Variants in CLEC16A observed in about 807,000 individuals in gnomAD.
CLEC16A encodes C-type lectin domain containing 16A.
CLEC16A carries 51 observed loss-of-function variants against 109.5 expected under a neutral mutation model. The ratio of observed to expected loss-of-function variants is 0.47; its 90% confidence interval spans 0.37 to 0.59. CLEC16A has a LOEUF of 0.59. CLEC16A is among the 20% of genes least tolerant of loss of function. The pLI is 0.00. For synonymous variants in CLEC16A, 673 were observed against 564.2 expected (o/e 1.19, Z -2.73); for missense variants, 1,339 against 1,394.0 (o/e 0.96, Z 0.63).
chr16:11,084,501 T>G (rs77537454), intron 19 of CLEC16A, among the ~76,000 whole-genome samples: 2 of 152,116 alleles, frequency 1.3e-5, no homozygotes, highest in Non-Finnish European at 2.9e-5. Context: ...AATGAGGACA[T>G]TGGCCTTGTT....
At chr16:10,955,647 G>A (rs572605296) in intron 1 of CLEC16A, among the ~76,000 whole-genome samples, 1 of 152,298 alleles carries the variant, frequency 6.6e-6, no homozygotes, top group African/African-American at 2.4e-5. Context: ...TCTTCTTCTT[G>A]TTGGGGATCT....
At chr16:11,119,959 G>GTGTTA (rs1250411532) in intron 19 of CLEC16A, among the ~76,000 whole-genome samples, 1 of 129,272 alleles carries the variant, frequency 7.7e-6, no homozygotes, top group Admixed American at 7.6e-5. Flanking sequence ...GTTTTGTTTT[G>GTGTTA]TGTTGTGTTG....
At chr16:11,123,264 A>C (rs1490455457) in intron 20 of CLEC16A, among the ~76,000 whole-genome samples, 2 of 152,228 alleles carry the variant, frequency 1.3e-5, no homozygotes, top group East Asian at 3.9e-4. Context: ...AAGACATACA[A>C]ATGGTTGCCA....
chr16:11,105,189 C>T (rs191126356), intron 19 of CLEC16A, among the ~76,000 whole-genome samples: 227 of 152,206 alleles, frequency 1.5e-3, no homozygotes, highest in African/African-American at 5.3e-3. Flanking sequence ...GTGTGGTCAC[C>T]GATGCATTGT....
intron 13 of CLEC16A, among the ~76,000 whole-genome samples, chr16:11,026,024 A>G (rs2046385993): frequency 6.6e-6 from 1 of 152,226 alleles, no homozygotes; most frequent in Non-Finnish European, 1.5e-5. Flanking sequence ...ATTTCAGCAC[A>G]TGGGTTCACA....
intron 22 of CLEC16A, among the ~76,000 whole-genome samples, chr16:11,137,297 C>T (rs79672130): frequency 0.043 from 6,516 of 151,792 alleles, 462 homozygotes; most frequent in African/African-American, 0.15. Flanking sequence ...GGCAGAAAAC[C>T]GAGAAACGAA....
Position 11,061,163 on chromosome 16 carries a change from C to T in CLEC16A, c.2116+141C>T, listed in dbSNP as rs184776720. On this transcript the variant is annotated intron_variant, in intron 19 of 23. Transcript: ENST00000409790. The stretch of plus-strand genomic sequence containing the variant: ...TTATTGAGCTGTGACCTTGAGCCAG[C>T]GGTGTGCATGTCCCATGCAGGTTTT... The T allele has an allele frequency of 3.2e-4, 313 of 983,806 alleles. 1 individual carries two copies. Among genetic ancestry groups the T allele is most frequent in the African/African-American group, 6.7e-5 (4 of 59,592 alleles). The allele number at this position is 983,806 out of a possible 1,614,324, so 60.9% of individuals were successfully genotyped here.
At chr16:11,123,548 C>G (rs1170319548) in intron 20 of CLEC16A, among the ~76,000 whole-genome samples, 194 bp from the exon 21 acceptor site, 1 of 152,214 alleles carries the variant, frequency 6.6e-6, no homozygotes, top group African/African-American at 2.4e-5. Flanking sequence ...TCCTCCCACA[C>G]TGTCCTCTCC....
At chr16:11,151,854 G>T (rs990336567) in intron 22 of CLEC16A, among the ~76,000 whole-genome samples, 1 of 152,200 alleles carries the variant, frequency 6.6e-6, no homozygotes, top group Non-Finnish European at 1.5e-5. Context: ...GGGCTCTCTG[G>T]AGCCTTTCAA....
At chr16:11,145,458 T>A (rs528380533) in intron 22 of CLEC16A, among the ~76,000 whole-genome samples, 2 of 152,364 alleles carry the variant, frequency 1.3e-5, no homozygotes, top group South Asian at 4.1e-4. Flanking sequence ...GCCTGTCAGC[T>A]CTACCTGGGA....
At chr16:11,137,060 A>C (rs560401782) in intron 22 of CLEC16A, among the ~76,000 whole-genome samples, 1 of 152,202 alleles carries the variant, frequency 6.6e-6, no homozygotes, top group Non-Finnish European at 1.5e-5. Context: ...GCTGTATTCT[A>C]CTCCATCGTG....
intron 16 of CLEC16A, among the ~76,000 whole-genome samples, chr16:11,045,594 G>A (rs2047594346): frequency 6.6e-6 from 1 of 152,132 alleles, no homozygotes; most frequent in East Asian, 1.9e-4. Context: ...CCAGCCTCAT[G>A]TGTCTTTCAG....
chr16:11,026,990 G>T, intron 13 of CLEC16A: 1 of 1,554,098 alleles, frequency 6.4e-7, no homozygotes, highest in Non-Finnish European at 8.9e-7. Context: ...ATGTGGTGGG[G>T]TTGCGCATGA....
In CLEC16A at chr16:11,049,906, TGGAGGAAAGTACTTAAA is replaced by T. The variant is rs1489322572; in HGVS notation, c.1867-1605_1867-1589del. On this transcript the variant is annotated intron_variant, in intron 17 of 23. Coordinates refer to ENST00000409790, the MANE Select transcript of CLEC16A (RefSeq NM_015226.3). The stretch of plus-strand genomic sequence containing the variant: ...TTTGGAGTGGGGGACCTCAGGCTTC[TGGAGGAAAGTACTTAAA>T]GTGTCCAAAAGAAGAAGGCAAGCAG... Among the ~76,000 whole-genome samples the T allele has an allele frequency of 2.0e-5, 3 of 152,214 alleles. No homozygotes were observed. In the East Asian group the frequency reaches 5.8e-4, roughly 29 times the overall value.
chr16:11,054,760 A>C (rs2048121893), intron 18 of CLEC16A, among the ~76,000 whole-genome samples: 1 of 152,202 alleles, frequency 6.6e-6, no homozygotes. Flanking sequence ...CCAGAAGCTT[A>C]GCTCTTCAAG....
At position 10,977,436 on chromosome 16, in the gene CLEC16A, C is replaced by T. The variant is rs369624773; in HGVS notation, c.903+37C>T. 1.9e-6 allele frequency: 3 copies of T among 1,586,684 alleles called. No individual in the cohort carries two copies. In the African/African-American group the frequency reaches 4.0e-5, roughly 21 times the overall value. ...CCCGTGGCTCCCGCTGGCTGAAGGCCATCAGAAGTGGGGAAGAACAGTCCC... is the reference window on the plus strand; with the variant it reads ...CCCGTGGCTCCCGCTGGCTGAAGGCTATCAGAAGTGGGGAAGAACAGTCCC... On this transcript the variant is annotated intron_variant, in intron 8 of 23. Transcript: ENST00000409790.
chr16:11,173,142 C>G (rs1400572417), intron 23 of CLEC16A, among the ~76,000 whole-genome samples: 1 of 152,154 alleles, frequency 6.6e-6, no homozygotes, highest in Non-Finnish European at 1.5e-5. Context: ...CCACTCAACT[C>G]GGTCACCACT....
At chr16:11,099,608 A>T (rs12922303) in intron 19 of CLEC16A, among the ~76,000 whole-genome samples, 68,997 of 151,970 alleles carry the variant, frequency 0.45, 15,888 homozygotes, top group African/African-American at 0.53. Context: ...AAGAAAGGCA[A>T]GGGTTTGGAG....
chr16:11,134,649 A>G (rs2053453358), intron 22 of CLEC16A, among the ~76,000 whole-genome samples: 1 of 152,206 alleles, frequency 6.6e-6, no homozygotes, highest in African/African-American at 2.4e-5. Context: ...TAGCTTCACT[A>G]ATCTAAAAAT....
Sources: allele counts gnomAD v4.1 joint callset (sites outside exome capture counted in the v4.1 genomes callset), GRCh38; gene constraint gnomAD v4.1.1; transcripts MANE v1.5; gene names NCBI Gene and HGNC (gene_info 2026-07-23, HGNC 2026-07-21).